Variants in GABRR2 observed in about 807,000 individuals in gnomAD.
GABRR2 encodes the protein gamma-aminobutyric acid receptor subunit rho-2.
Under a neutral mutation model 47.0 loss-of-function variants are expected in GABRR2, and 36 were observed. The ratio of observed to expected loss-of-function variants is 0.77; its 90% CI spans 0.59 to 1.01. The LOEUF (loss-of-function observed/expected upper bound fraction) is 1.01. Among genes scored for constraint, GABRR2 ranks in the 50% least tolerant of loss-of-function variants. GABRR2 has a pLI of 0.00. For synonymous variants in GABRR2, 204 were observed against 227.5 expected (o/e 0.90, Z 0.93); for missense variants, 587 against 594.6 (o/e 0.99, Z 0.13).
intron 8 of GABRR2, among the ~76,000 whole-genome samples, chr6:89,261,345 C>T (rs1039939120): frequency 6.6e-6 from 1 of 152,100 alleles, no homozygotes; most frequent in South Asian, 2.1e-4. Context: ...AAATAAGCAA[C>T]CTAGTATAAT....
intron 1 of GABRR2, among the ~76,000 whole-genome samples, chr6:89,307,230 CA>C (rs1428281390): frequency 6.6e-6 from 1 of 152,176 alleles, no homozygotes; most frequent in Non-Finnish European, 1.5e-5. Flanking sequence ...TACCCCAGAA[CA>C]ACCAAATTCA....
Position 89,257,822 on chromosome 6 carries a change from C to T in GABRR2, c.1246G>A (p.Glu416Lys), listed in dbSNP as rs778768366. ...CCCTTCTTTCTGGCAGCGTTGGCTTCACCACTCAGGCCCAGGTGGACCACT... is the reference window on the plus strand; with the variant it reads ...CCCTTCTTTCTGGCAGCGTTGGCTTTACCACTCAGGCCCAGGTGGACCACT... ...KIVVHLGLSGEANAARKKGLL... is the reference protein window; with the variant it reads ...KIVVHLGLSGKANAARKKGLL... Residue 416 changes from glutamate to lysine, a missense_variant, in exon 9 of 9, where the codon GAA becomes AAA. Glu to Lys is a moderately conservative substitution (Grantham distance 56). Transcript: ENST00000402938. 1 of 1,614,080 alleles carries T rather than the reference C, an allele frequency of 6.2e-7. No homozygotes were observed. Among genetic ancestry groups the T allele is most frequent in the East Asian group, 2.2e-5 (1 of 44,888 alleles).
At chr6:89,279,080 G>A (rs900392580) in intron 2 of GABRR2, among the ~76,000 whole-genome samples, 6 of 152,174 alleles carry the variant, frequency 3.9e-5, no homozygotes, top group Non-Finnish European at 8.8e-5. Flanking sequence ...CCGAGAAACC[G>A]CCATGCCCTG....
rs148393604 is a variant in GABRR2, at chr6:89,309,566, C to T, written c.113+5487G>A. ...GTTGGTTATATTATTTAAACATTTC[C>T]TTTTTTAAAAAAATGTTTAAGACTT... On this transcript the variant is annotated intron_variant, in intron 1 of 8. Coordinates refer to ENST00000402938, the MANE Select transcript of GABRR2 (RefSeq NM_002043.5). 3.1e-3 allele frequency among the ~76,000 whole-genome samples: 466 copies of T among 152,140 alleles called. 6 individuals are homozygous for T. The highest frequency in any genetic ancestry group is 0.011 in the African/African-American group (445 of 41,504).
chr6:89,310,610 C>G (rs1396149439), intron 1 of GABRR2, among the ~76,000 whole-genome samples: 2 of 152,088 alleles, frequency 1.3e-5, no homozygotes, highest in African/African-American at 4.8e-5. Flanking sequence ...ATATCTGATT[C>G]CTAACTCAGC....
At position 89,283,214 on chromosome 6, in the gene GABRR2, T is replaced by C. The variant is rs191230092; in HGVS notation, c.221-11492A>G. 1.1e-3 allele frequency among the ~76,000 whole-genome samples: 173 copies of C among 152,028 alleles called. 3 individuals are homozygous for C. The highest frequency in any genetic ancestry group is 0.011 in the Admixed American group (166 of 15,278). Reference sequence around the variant, plus strand: ...TTTTAATTTTTTTTTTTGCTTGTTGTAAGGAGAGTTTGCCAAGGATTCTTG... The same window carrying C: ...TTTTAATTTTTTTTTTTGCTTGTTGCAAGGAGAGTTTGCCAAGGATTCTTG... On this transcript the variant is annotated intron_variant, in intron 2 of 8. Transcript: ENST00000402938.
intron 2 of GABRR2, among the ~76,000 whole-genome samples, chr6:89,290,878 C>A (rs1235795661): frequency 6.6e-6 from 1 of 152,166 alleles, no homozygotes; most frequent in Admixed American, 6.5e-5. Context: ...GCTCAGGTAA[C>A]TGCTTCCTCC....
chr6:89,267,707 A>C lies in GABRR2; in HGVS notation c.708T>G (p.Thr236=). 6.2e-7 allele frequency: 1 copy of C among 1,613,888 alleles called. No homozygotes were observed. The highest frequency in any genetic ancestry group is 8.5e-7 in the Non-Finnish European group (1 of 1,179,832). The change falls in exon 6 of 9, where the codon ACT becomes ACG. Residue 236 remains threonine (T), a synonymous_variant. Transcript: ENST00000402938. ...TGCTGCTGTAGAAGGCCAGCCTGGA[A>C]GTTGTGTGAAATTTCTGAATCAGAA... ...SQFLIQKFHT[T]SRLAFYSSTG... is the part of the protein sequence containing the mutation.
At chr6:89,264,661 A>G (rs1207589265) in intron 7 of GABRR2, 53 bp from the exon 8 acceptor site, 43 of 1,590,730 alleles carry the variant, frequency 2.7e-5, no homozygotes, top group African/African-American at 1.3e-5. Context: ...AACTGCCCTC[A>G]TATCTCACTA....
intron 7 of GABRR2, among the ~76,000 whole-genome samples, chr6:89,265,369 T>C (rs1361135030): frequency 1.3e-5 from 2 of 152,168 alleles, no homozygotes; most frequent in Admixed American, 1.3e-4. Context: ...TCGAAGTCTG[T>C]ACCCCAAATC....
At chr6:89,292,217 G>A (rs554644964) in intron 2 of GABRR2, among the ~76,000 whole-genome samples, 2 of 151,748 alleles carry the variant, frequency 1.3e-5, no homozygotes, top group African/African-American at 2.4e-5. Flanking sequence ...AAAATTCCAT[G>A]ATGATACTAT....
chr6:89,275,143 T>A (rs1774135659), intron 2 of GABRR2, among the ~76,000 whole-genome samples: 1 of 152,128 alleles, frequency 6.6e-6, no homozygotes, highest in South Asian at 2.1e-4. Context: ...CCAAATCAGG[T>A]TCACTCCAGG....
intron 8 of GABRR2, among the ~76,000 whole-genome samples, chr6:89,263,399 GC>G (rs1295333591): frequency 6.6e-6 from 1 of 152,140 alleles, no homozygotes; most frequent in Non-Finnish European, 1.5e-5. Flanking sequence ...TTTTGGAGGA[GC>G]CAAAAGTTAT....
At chr6:89,290,096 A>G (rs1013667737) in intron 2 of GABRR2, among the ~76,000 whole-genome samples, 21 of 152,322 alleles carry the variant, frequency 1.4e-4, no homozygotes, top group Middle Eastern at 3.4e-3. Flanking sequence ...GCCCATCAGC[A>G]TTTTAGAGAC....
intron 2 of GABRR2, 64 bp downstream of exon 2, chr6:89,299,695 G>A (rs1454135650): frequency 6.6e-6 from 7 of 1,066,670 alleles, no homozygotes; most frequent in Non-Finnish European, 1.0e-5. Flanking sequence ...GGGAGCCAGA[G>A]AGGGCAGCAC....
intron 4 of GABRR2, among the ~76,000 whole-genome samples, chr6:89,268,524 G>T (rs1359035342): frequency 1.3e-5 from 2 of 152,128 alleles, no homozygotes; most frequent in Non-Finnish European, 1.5e-5. Context: ...GTGGGACAAT[G>T]AGCTTCATCA....
intron 2 of GABRR2, among the ~76,000 whole-genome samples, chr6:89,293,458 A>G (rs1241782816): frequency 1.3e-5 from 2 of 152,090 alleles, no homozygotes; most frequent in Non-Finnish European, 1.5e-5. Flanking sequence ...TCAATTTTAT[A>G]TTATATATTT....
At chr6:89,264,706 C>T in intron 7 of GABRR2, 98 bp from the exon 8 acceptor site, 1 of 1,436,254 alleles carries the variant, frequency 7.0e-7, no homozygotes, top group Admixed American at 2.0e-5. Flanking sequence ...TCTTAAACCA[C>T]ATGAGAAAGT....
intron 1 of GABRR2, among the ~76,000 whole-genome samples, chr6:89,305,574 G>A (rs1767545318): frequency 6.6e-6 from 1 of 152,062 alleles, no homozygotes; most frequent in African/African-American, 2.4e-5. Flanking sequence ...GCTGCAGTGA[G>A]CCATGATCAT....
Sources: allele counts gnomAD v4.1 joint callset (sites outside exome capture counted in the v4.1 genomes callset), GRCh38; gene constraint gnomAD v4.1.1; transcripts MANE v1.5; gene names NCBI Gene and HGNC (gene_info 2026-07-23, HGNC 2026-07-21).